The following SEMA5A variants were observed in gnomAD, a reference collection of about 807,000 sequenced individuals.
SEMA5A encodes the protein semaphorin 5A.
In SEMA5A, 55 loss-of-function variants were observed where a neutral mutation model predicts 135.5. The observed-to-expected ratio is 0.41, with a 90% CI of 0.33 to 0.51. The LOEUF (loss-of-function observed/expected upper bound fraction) is 0.51, where lower values mean the gene tolerates loss of function less well. Ranked by LOEUF, SEMA5A falls within the 20% of genes least tolerant of loss-of-function variation. SEMA5A has a pLI of 0.37. For synonymous variants in SEMA5A, 580 were observed against 546.5 expected (o/e 1.06, Z -0.85); for missense variants, 1,290 against 1,419.9 (o/e 0.91, Z 1.47).
At chr5:9,520,818 A>C (rs773598965) in intron 1 of SEMA5A, among the ~76,000 whole-genome samples, 8 of 152,194 alleles carry the variant, frequency 5.3e-5, no homozygotes, top group Non-Finnish European at 1.0e-4. Context: ...AGGTCATCCA[A>C]AACAAGGAAA....
chr5:9,331,522 A>G (rs1271197192), intron 4 of SEMA5A, among the ~76,000 whole-genome samples: 2 of 152,224 alleles, frequency 1.3e-5, no homozygotes, highest in African/African-American at 4.8e-5. Flanking sequence ...CCAATCAGAA[A>G]CAAAACCCTA....
intron 5 of SEMA5A, among the ~76,000 whole-genome samples, chr5:9,266,611 T>C (rs1177230447): frequency 1.3e-5 from 2 of 152,216 alleles, no homozygotes; most frequent in Admixed American, 1.3e-4. Flanking sequence ...CTCACCCTCA[T>C]GAGAAAGAAT....
chr5:9,429,221 G>A (rs1043095075), intron 2 of SEMA5A, among the ~76,000 whole-genome samples: 1 of 152,148 alleles, frequency 6.6e-6, no homozygotes, highest in South Asian at 2.1e-4. Context: ...TGATTGGGGT[G>A]GGGGAGGAAG....
At chr5:9,544,818 G>A (rs1365615790) in intron 1 of SEMA5A, among the ~76,000 whole-genome samples, 1 of 152,222 alleles carries the variant, frequency 6.6e-6, no homozygotes, top group East Asian at 1.9e-4. Flanking sequence ...CCGCCGCGGG[G>A]AGCGAGCCGG....
intron 5 of SEMA5A, among the ~76,000 whole-genome samples, chr5:9,259,422 T>C (rs571133055): frequency 6.6e-6 from 1 of 151,834 alleles, no homozygotes; most frequent in Non-Finnish European, 1.5e-5. Flanking sequence ...GAGAGATAGT[T>C]TGTTATAATT....
Position 9,204,031 on chromosome 5 carries a change from T to C in SEMA5A, c.647-1791A>G, listed in dbSNP as rs1363738189. Among the ~76,000 whole-genome samples the C allele has an allele frequency of 2.0e-5, 3 of 152,128 alleles. No individual in the cohort carries two copies. The highest frequency in any genetic ancestry group is 4.4e-5 in the Non-Finnish European group (3 of 68,020). On this transcript the variant is annotated intron_variant, in intron 8 of 22. Transcript: ENST00000382496. The surrounding 1 kb of genome is among the most constrained non-coding windows in gnomAD (Gnocchi z 6.4). ...TGTAAGTCTCCAAAACAGAATTACC[T>C]GATGAAGCAGGCCCCAAAAGCAAAG...
chr5:9,515,024 C>T (rs751103244), intron 1 of SEMA5A, among the ~76,000 whole-genome samples: 1 of 152,168 alleles, frequency 6.6e-6, no homozygotes, highest in African/African-American at 2.4e-5. Flanking sequence ...ACACTTAAAT[C>T]GTATTTTCAT....
rs771589319 is a variant in SEMA5A, at chr5:9,040,601, C to A, written c.*2296G>T. ...CAATTTTCCTTTGAACAGTGTGGTA[C>A]GAAACAAAAATGGGATTCTTTTGCA... On this transcript the variant is annotated 3_prime_UTR_variant, in exon 23 of 23. Coordinates refer to ENST00000382496, the MANE Select transcript of SEMA5A (RefSeq NM_003966.3). The A allele has an allele frequency of 1.3e-5, 2 of 152,216 alleles. No homozygotes were observed. The highest frequency in any genetic ancestry group is 4.8e-5 in the African/African-American group (2 of 41,538). The allele number at this position is 152,216 out of a possible 1,614,324, so 9.4% of individuals were successfully genotyped here.
At chr5:9,182,401 T>C (rs1744572246) in intron 11 of SEMA5A, among the ~76,000 whole-genome samples, 1 of 152,180 alleles carries the variant, frequency 6.6e-6, no homozygotes, top group South Asian at 2.1e-4. Context: ...AGAGCAGCAT[T>C]TCTCAAACTG....
At chr5:9,276,074 C>T (rs137883563) in intron 5 of SEMA5A, among the ~76,000 whole-genome samples, 1,733 of 152,264 alleles carry the variant, frequency 0.011, 33 homozygotes, top group African/African-American at 0.039. Context: ...ATCATCTCAG[C>T]CCAAAATCTC....
chr5:9,177,826 T>C (rs1744284010), intron 11 of SEMA5A, among the ~76,000 whole-genome samples: 1 of 152,224 alleles, frequency 6.6e-6, no homozygotes, highest in Admixed American at 6.5e-5. Context: ...ATACTGGAAA[T>C]GGACACACGG....
chr5:9,210,154 AG>A (rs1189530048), intron 8 of SEMA5A, among the ~76,000 whole-genome samples: 1 of 152,238 alleles, frequency 6.6e-6, no homozygotes, highest in African/African-American at 2.4e-5. Flanking sequence ...AGCAGGAGAA[AG>A]AAAGATTTAC....
intron 12 of SEMA5A, among the ~76,000 whole-genome samples, chr5:9,143,977 A>T (rs1742197068): frequency 6.6e-6 from 1 of 152,226 alleles, no homozygotes; most frequent in Admixed American, 6.5e-5. Context: ...AGGGTGTTTC[A>T]ATGGCCCAAC....
chr5:9,464,009 C>T (rs1053619121), intron 1 of SEMA5A, among the ~76,000 whole-genome samples: 4 of 152,142 alleles, frequency 2.6e-5, no homozygotes. Flanking sequence ...AACCTCGACA[C>T]TGTTGACATC....
chr5:9,396,246 G>GCACACACACACACA (rs147262677), intron 2 of SEMA5A, among the ~76,000 whole-genome samples: 1,730 of 148,930 alleles, frequency 0.012, 12 homozygotes, highest in Middle Eastern at 0.052. Flanking sequence ...GCGCGTGCGT[G>GCACACACACACACA]CACACACACA....
chr5:9,353,292 A>G (rs200320034), intron 3 of SEMA5A, among the ~76,000 whole-genome samples: 2 of 118,852 alleles, frequency 1.7e-5, no homozygotes, highest in Non-Finnish European at 3.5e-5. Flanking sequence ...AAGGAGGGAA[A>G]GGAAGGGAAG....
chr5:9,395,857 T>C (rs374195473), intron 2 of SEMA5A, among the ~76,000 whole-genome samples: 1 of 152,180 alleles, frequency 6.6e-6, no homozygotes, highest in African/African-American at 2.4e-5. Flanking sequence ...ATCCCTGCAG[T>C]TCTCTTTGAT....
chr5:9,100,796 C>T (rs1739587847), intron 16 of SEMA5A, among the ~76,000 whole-genome samples: 1 of 152,100 alleles, frequency 6.6e-6, no homozygotes, highest in East Asian at 1.9e-4. Flanking sequence ...CTTTGAAGAA[C>T]ACACTGAGTT....
At chr5:9,052,056 G>A (rs769108174) in intron 19 of SEMA5A, 28 bp from the exon 20 acceptor site, 14 of 1,540,930 alleles carry the variant, frequency 9.1e-6, no homozygotes, top group Non-Finnish European at 1.2e-5. Flanking sequence ...GGGGAGATGG[G>A]GCGGAATGGC....
Sources: gnomAD v4.1 joint callset for allele counts (sites outside exome capture counted in the v4.1 genomes callset) on GRCh38, gnomAD v4.1.1 for gene constraint, Gnocchi (gnomAD v3.1) non-coding constraint, MANE v1.5 for transcripts, NCBI Gene and HGNC (gene_info 2026-07-23, HGNC 2026-07-21) for gene names.